Variants in CAPN5 observed in about 807,000 individuals in gnomAD.
CAPN5 encodes the protein calpain-5.
A neutral mutation model predicts 73.0 loss-of-function variants in CAPN5; 54 were observed. That is an observed-to-expected ratio of 0.74 (90% confidence interval 0.59 to 0.93). The LOEUF is 0.93. Ranked by LOEUF, CAPN5 falls within the 40% of genes least tolerant of loss-of-function variation. CAPN5 has a pLI of 0.00. For synonymous variants in CAPN5, 335 were observed against 356.9 expected, an observed-to-expected ratio of 0.94 and a Z score of 0.69; for missense variants, 785 against 882.9, an observed-to-expected ratio of 0.89 and a Z score of 1.41.
chr11:77,121,548 C>T (rs2135488660), intron 10 of CAPN5, among the ~76,000 whole-genome samples: 1 of 152,390 alleles, frequency 6.6e-6, no homozygotes, highest in Non-Finnish European at 1.5e-5. Flanking sequence ...GGCTCCCCAG[C>T]TTTCCAGCTG....
At chr11:77,094,622 G>A (rs1382791869) in intron 3 of CAPN5, among the ~76,000 whole-genome samples, 1 of 152,228 alleles carries the variant, frequency 6.6e-6, no homozygotes, top group African/African-American at 2.4e-5. Flanking sequence ...CTTGGGAGGG[G>A]CTGGCAGTGG....
At chr11:77,076,421 T>A (rs557053180) in intron 1 of CAPN5, among the ~76,000 whole-genome samples, 270 of 152,350 alleles carry the variant, frequency 1.8e-3, no homozygotes, top group African/African-American at 6.2e-3. Context: ...GTCACCATGT[T>A]ACAATCAATC....
chr11:77,087,837 C>T (rs1374460958), intron 2 of CAPN5: 2 of 1,462,550 alleles, frequency 1.4e-6, no homozygotes, highest in South Asian at 1.2e-5. Context: ...CTCCTATTGA[C>T]TCTGCAGGTG....
At chr11:77,099,913 C>T (rs1366714599) in intron 3 of CAPN5, among the ~76,000 whole-genome samples, 2 of 152,020 alleles carry the variant, frequency 1.3e-5, no homozygotes, top group African/African-American at 2.4e-5. Context: ...CACGGCTCAC[C>T]GTAACCTCCA....
intron 2 of CAPN5, among the ~76,000 whole-genome samples, chr11:77,092,013 A>T (rs1950153248): frequency 1.3e-5 from 2 of 152,286 alleles, no homozygotes; most frequent in East Asian, 3.9e-4. Context: ...TGAGCTCAGG[A>T]GTTTGAGACC....
intron 12 of CAPN5, 69 bp downstream of exon 12, chr11:77,122,781 G>A: frequency 6.3e-7 from 1 of 1,596,678 alleles, no homozygotes; most frequent in Admixed American, 1.7e-5. Flanking sequence ...AGGGGGACAA[G>A]CCCAGGTGGA....
In CAPN5 at chr11:77,106,799, G is replaced by A. The variant is rs528396101; in HGVS notation, c.298-5790G>A. Among the ~76,000 whole-genome samples the A allele has an allele frequency of 9.3e-4, 142 of 152,356 alleles. 1 individual carries two copies. Among genetic ancestry groups the A allele is most frequent in the African/African-American group, 3.3e-3 (137 of 41,586 alleles). ...AACCTGTGGAGAGCTGAAGTGAGTTGCCTGAGGCATCCTAGGCCAGTGCCG... is the reference window on the plus strand; with the variant it reads ...AACCTGTGGAGAGCTGAAGTGAGTTACCTGAGGCATCCTAGGCCAGTGCCG... On this transcript the variant is annotated intron_variant, in intron 3 of 12. Transcript: ENST00000648180.
Position 77,112,659 on chromosome 11 carries a change from T to C in CAPN5, c.368T>C (p.Phe123Ser). The change falls in exon 4 of 13, where the codon TTC (phenylalanine) becomes TCC (serine). Residue 123 changes from phenylalanine (F) to serine (S), a missense_variant. Coordinates refer to ENST00000648180, the MANE Select transcript of CAPN5 (RefSeq NM_004055.5). The stretch of plus-strand genomic sequence containing the variant: ...AACGCCTACGCGGGCATCTTCCACT[T>C]CCACTTCTGGCGCTTCGGGGAATGG... ...KPNAYAGIFH[F>S]HFWRFGEWVD... 1.2e-6 allele frequency: 2 copies of C among 1,614,158 alleles called. No homozygotes were observed. Among genetic ancestry groups the C allele is most frequent in the Non-Finnish European group, 1.7e-6 (2 of 1,180,032 alleles).
chr11:77,108,657 C>T (rs1269850601), intron 3 of CAPN5, among the ~76,000 whole-genome samples: 1 of 151,996 alleles, frequency 6.6e-6, no homozygotes, highest in Non-Finnish European at 1.5e-5. Context: ...ATTTCCTCTA[C>T]ACACCCCTGC....
chr11:77,116,128 A>G, intron 6 of CAPN5, 98 bp from the exon 7 acceptor site: 1 of 1,119,258 alleles, frequency 8.9e-7, no homozygotes, highest in Non-Finnish European at 1.3e-6. Context: ...GGCCTGGTGC[A>G]AGACTGCCCC....
intron 2 of CAPN5, chr11:77,088,201 A>C: frequency 9.5e-7 from 1 of 1,058,048 alleles, no homozygotes; most frequent in Non-Finnish European, 1.3e-6. Context: ...GGACTAATGA[A>C]CAGACACTGG....
chr11:77,085,199 T>A (rs1950072892), intron 2 of CAPN5, 148 bp downstream of exon 2: 3 of 699,642 alleles, frequency 4.3e-6, no homozygotes, highest in Admixed American at 4.8e-5. Context: ...TGGGATTTGA[T>A]CCGGATGGGG....
At chr11:77,098,480 G>A (rs1591129067) in intron 3 of CAPN5, among the ~76,000 whole-genome samples, 1 of 104,402 alleles carries the variant, frequency 9.6e-6, no homozygotes, top group Non-Finnish European at 1.9e-5. Context: ...CCTCCCAGAC[G>A]GGGCGGCTGG....
At chr11:77,114,031 G>A (rs1388798428) in intron 4 of CAPN5, among the ~76,000 whole-genome samples, 1 of 149,536 alleles carries the variant, frequency 6.7e-6, no homozygotes, top group Non-Finnish European at 1.5e-5. Flanking sequence ...GATTTTTTAA[G>A]ATTGAGCCAC....
Position 77,114,356 on chromosome 11 carries a change from T to C in CAPN5, c.621T>C (p.Asp207=), listed in dbSNP as rs782784747. The C allele has an allele frequency of 6.2e-7, 1 of 1,614,176 alleles. No individual in the cohort carries two copies. The highest frequency in any genetic ancestry group is 1.1e-5 in the South Asian group (1 of 91,082). ...TGACCGAGGGTGACTTTGCCAACGATGAGACTAAGAGGAACCAGCTCTTTG... is the reference window on the plus strand; with the variant it reads ...TGACCGAGGGTGACTTTGCCAACGACGAGACTAAGAGGAACCAGCTCTTTG... The part of the protein sequence containing the change: ...IDLTEGDFAN[D]ETKRNQLFER... The change falls in exon 5 of 13, where the codon GAT becomes GAC. Residue 207 remains aspartate, a synonymous_variant. Coordinates refer to ENST00000648180, the MANE Select transcript of CAPN5 (RefSeq NM_004055.5).
intron 3 of CAPN5, chr11:77,102,755 C>T (rs1950298929): frequency 2.1e-6 from 3 of 1,428,104 alleles, no homozygotes; most frequent in East Asian, 2.5e-5. Flanking sequence ...GTAGGTGGGG[C>T]CCCCCTTTGG....
intron 2 of CAPN5, among the ~76,000 whole-genome samples, chr11:77,086,313 C>T (rs1555035529): frequency 6.6e-6 from 1 of 152,130 alleles, no homozygotes; most frequent in Admixed American, 6.5e-5. Context: ...CTGAAAATAC[C>T]CCGTAGATGT....
intron 7 of CAPN5, among the ~76,000 whole-genome samples, chr11:77,117,555 A>T (rs1308706762): frequency 2.0e-5 from 3 of 152,182 alleles, no homozygotes; most frequent in African/African-American, 7.2e-5. Context: ...AACACGGCAG[A>T]GCTCCTTGCC....
At chr11:77,067,541 C>T (rs1949856524) in intron 1 of CAPN5, among the ~76,000 whole-genome samples, 1 of 151,982 alleles carries the variant, frequency 6.6e-6, no homozygotes, top group Non-Finnish European at 1.5e-5. Context: ...AGGGGCAGGG[C>T]CGAGGCTCCT....
Sources: gnomAD v4.1 joint callset for allele counts (sites outside exome capture counted in the v4.1 genomes callset) on GRCh38, gnomAD v4.1.1 for gene constraint, MANE v1.5 for transcripts, NCBI Gene and HGNC (gene_info 2026-07-23, HGNC 2026-07-21) for gene names.